The following SEMA3C variants were observed in gnomAD, a reference collection of about 807,000 sequenced individuals.
SEMA3C encodes semaphorin 3C.
A neutral mutation model predicts 89.4 loss-of-function variants in SEMA3C; 47 were observed. The ratio of observed to expected loss-of-function variants is 0.53; its 90% CI spans 0.42 to 0.67. The LOEUF is 0.67. SEMA3C is among the 30% of genes least tolerant of loss of function. The probability of loss-of-function intolerance (pLI) is 0.00; values close to 1 mark genes in which losing one functional copy is unlikely to be tolerated. For synonymous variants in SEMA3C, 310 were observed against 320.2 expected, an observed-to-expected ratio of 0.97 and a Z score of 0.34; for missense variants, 839 against 929.1, an observed-to-expected ratio of 0.90 and a Z score of 1.26.
At chr7:80,770,125 C>T (rs1178400841) in intron 12 of SEMA3C, among the ~76,000 whole-genome samples, 2 of 152,082 alleles carry the variant, frequency 1.3e-5, no homozygotes, top group Admixed American at 6.5e-5. Flanking sequence ...GTGAGTTGGG[C>T]AGTATGGATG....
chr7:80,795,421 A>G (rs1789038382), intron 11 of SEMA3C, among the ~76,000 whole-genome samples: 1 of 152,122 alleles, frequency 6.6e-6, no homozygotes, highest in South Asian at 2.1e-4. Flanking sequence ...TCAACACCAG[A>G]TGTAAGAAAC....
chr7:80,898,382 C>CAAACAAAA lies in SEMA3C; in HGVS notation c.103+18296_103+18297insTTTTGTTT, dbSNP rs56897062. Among the ~76,000 whole-genome samples, 133 of 151,832 alleles carry CAAACAAAA rather than the reference C, an allele frequency of 8.8e-4. 1 individual carries two copies. The East Asian group carries it at 0.023, about 26-fold the overall frequency. On this transcript the variant is annotated intron_variant, in intron 2 of 17. Transcript: ENST00000265361. The stretch of plus-strand genomic sequence containing the variant: ...TTTTGTCTCAAAACAAACAAACAAA[C>CAAACAAAA]AACAGAAAAATATAAATCTAAGTAC...
intron 11 of SEMA3C, among the ~76,000 whole-genome samples, chr7:80,797,623 T>A (rs1789095618): frequency 6.6e-6 from 1 of 152,250 alleles, no homozygotes; most frequent in Admixed American, 6.5e-5. Flanking sequence ...ACACAATTTC[T>A]ATCTAAATAG....
chr7:80,772,212 A>C (rs1180663787), intron 12 of SEMA3C, among the ~76,000 whole-genome samples: 4 of 152,170 alleles, frequency 2.6e-5, no homozygotes, highest in African/African-American at 9.7e-5. Context: ...TTTATGTTAA[A>C]ATACCCATTC....
intron 2 of SEMA3C, among the ~76,000 whole-genome samples, chr7:80,849,730 G>A (rs529288289): frequency 2.0e-5 from 3 of 152,148 alleles, no homozygotes; most frequent in Admixed American, 1.3e-4. Flanking sequence ...AATCTTTGTG[G>A]TCTTGTGATA....
chr7:80,800,734 A>C, intron 10 of SEMA3C, 23 bp downstream of exon 10: 1 of 1,422,228 alleles, frequency 7.0e-7, no homozygotes, highest in Non-Finnish European at 9.6e-7. Flanking sequence ...TTAACTCATA[A>C]AATGTAACTG....
intron 12 of SEMA3C, among the ~76,000 whole-genome samples, chr7:80,785,562 T>C (rs1184207638): frequency 6.6e-6 from 1 of 152,180 alleles, no homozygotes; most frequent in Non-Finnish European, 1.5e-5. Flanking sequence ...CAATGACCTG[T>C]GATTCTCCCC....
At chr7:80,922,225 T>A (rs768130388), upstream of SEMA3C, 42 of 1,283,526 alleles carry the variant, frequency 3.3e-5, no homozygotes, top group African/African-American at 5.6e-4. Context: ...ATTGCCGTAA[T>A]GTCTCAGGTT....
At chr7:80,765,320 T>C (rs1788274182) in intron 12 of SEMA3C, 77 bp from the exon 13 acceptor site, 2 of 1,024,328 alleles carry the variant, frequency 2.0e-6, no homozygotes, top group African/African-American at 1.6e-5. Context: ...ACTACTGACT[T>C]GGACCATTAT....
intron 2 of SEMA3C, among the ~76,000 whole-genome samples, chr7:80,846,817 G>A (rs1394287945): frequency 6.6e-6 from 1 of 152,226 alleles, no homozygotes; most frequent in Non-Finnish European, 1.5e-5. Context: ...TGCATACACT[G>A]TATTTCATAT....
At position 80,848,711 on chromosome 7, in the gene SEMA3C, T is replaced by C. The variant is rs571102264; in HGVS notation, c.104-19966A>G. Among the ~76,000 whole-genome samples, 31 of 152,346 alleles carry C rather than the reference T, an allele frequency of 2.0e-4. No homozygotes were observed. In the South Asian group the frequency reaches 6.4e-3, roughly 32 times the overall value. ...AGAAAACATAAGCAAAACAGTCCAG[T>C]CCAAAATTTTCTTGAGAGCATCTTT... On this transcript the variant is annotated intron_variant, in intron 2 of 17. Coordinates refer to ENST00000265361, the MANE Select transcript of SEMA3C (RefSeq NM_006379.5).
intron 5 of SEMA3C, among the ~76,000 whole-genome samples, chr7:80,814,562 TCA>T (rs1012054808): frequency 2.2e-4 from 34 of 152,154 alleles, no homozygotes; most frequent in African/African-American, 8.2e-4. Context: ...AAACAATGAC[TCA>T]CACGTGTATA....
intron 2 of SEMA3C, among the ~76,000 whole-genome samples, chr7:80,859,024 T>A (rs1790709950): frequency 6.6e-6 from 1 of 152,160 alleles, no homozygotes; most frequent in African/African-American, 2.4e-5. Context: ...CTTTCCTTGA[T>A]CTTTTCCTAT....
chr7:80,808,032 AAGT>A (rs979342604), intron 6 of SEMA3C, among the ~76,000 whole-genome samples: 2 of 152,172 alleles, frequency 1.3e-5, no homozygotes, highest in African/African-American at 4.8e-5. Flanking sequence ...CAAATGTTAA[AAGT>A]AGTATAGGAA....
intron 2 of SEMA3C, among the ~76,000 whole-genome samples, chr7:80,889,196 C>A (rs538936603): frequency 2.6e-5 from 4 of 152,252 alleles, no homozygotes; most frequent in African/African-American, 9.6e-5. Context: ...ATATGAATGT[C>A]TTTTTTGTTT....
chr7:80,792,894 C>T (rs1272766637), intron 11 of SEMA3C, among the ~76,000 whole-genome samples: 1 of 152,158 alleles, frequency 6.6e-6, no homozygotes, highest in Non-Finnish European at 1.5e-5. Context: ...ACTGAGTTTG[C>T]TCAGTGTCAT....
intron 15 of SEMA3C, among the ~76,000 whole-genome samples, chr7:80,753,185 C>G (rs1451054024): frequency 6.6e-6 from 1 of 152,078 alleles, no homozygotes; most frequent in Non-Finnish European, 1.5e-5. Flanking sequence ...TCTGTACACA[C>G]GAAAACAGTG....
At chr7:80,882,140 T>G (rs1040575261) in intron 2 of SEMA3C, among the ~76,000 whole-genome samples, 1 of 152,132 alleles carries the variant, frequency 6.6e-6, no homozygotes, top group Admixed American at 6.6e-5. Flanking sequence ...AGCTTATTGG[T>G]CACTATAAAT....
At chr7:80,831,225 G>A (rs1460032080) in intron 2 of SEMA3C, among the ~76,000 whole-genome samples, 1 of 152,152 alleles carries the variant, frequency 6.6e-6, no homozygotes, top group Non-Finnish European at 1.5e-5. Context: ...CTGGAGTCTG[G>A]ATTCTGGCTC....
Sources: allele counts gnomAD v4.1 joint callset (sites outside exome capture counted in the v4.1 genomes callset), GRCh38; gene constraint gnomAD v4.1.1; transcripts MANE v1.5; gene names NCBI Gene and HGNC (gene_info 2026-07-23, HGNC 2026-07-21).